Variants in GLI3 observed in about 807,000 individuals in gnomAD.
GLI3 encodes the protein GLI family zinc finger 3, also known as transcription activator GLI3.
In GLI3, 20 loss-of-function variants were observed where a neutral mutation model predicts 100.8. The ratio of observed to expected loss-of-function variants is 0.20; its 90% CI spans 0.14 to 0.29. The LOEUF (loss-of-function observed/expected upper bound fraction) is 0.29. Among genes scored for constraint, GLI3 ranks in the 10% least tolerant of loss-of-function variants. GLI3 has a pLI of 1.00. For missense variants in GLI3, 2,040 were observed against 2,128.5 expected, an observed-to-expected ratio of 0.96 and a Z score of 0.82; for synonymous variants, 938 against 860.5, an observed-to-expected ratio of 1.09 and a Z score of -1.58.
At chr7:42,052,191 G>A (rs1784365627) in intron 4 of GLI3, among the ~76,000 whole-genome samples, 1 of 152,170 alleles carries the variant, frequency 6.6e-6, no homozygotes. Context: ...GTATGGAATA[G>A]CTTATTTACT....
intron 7 of GLI3, among the ~76,000 whole-genome samples, chr7:42,038,576 G>A (rs985094890): frequency 6.6e-6 from 1 of 152,166 alleles, no homozygotes; most frequent in Non-Finnish European, 1.5e-5. Flanking sequence ...TGGTTAATCT[G>A]GAAAGTGCCC....
rs1047368657 is a variant in GLI3, at chr7:41,965,121, C to T, written c.3952G>A (p.Val1318Met). The part of the protein sequence containing the change: ...MVNGMQNQDP[V>M]GQGYLAHQLL... ...TGGTGAGCCAGGTACCCCTGTCCCA[C>T]TGGGTCCTGGTTCTGCATGCCATTC... The change falls in exon 15 of 15, where the codon GTG (valine) becomes ATG (methionine). Residue 1318 changes from valine (V) to methionine (M), a missense_variant. Val to Met is a conservative substitution (Grantham distance 21). Coordinates refer to ENST00000395925, the MANE Select transcript of GLI3 (RefSeq NM_000168.6). The T allele has an allele frequency of 1.2e-6, 2 of 1,613,702 alleles. No individual in the cohort carries two copies. The highest frequency in any genetic ancestry group is 1.3e-5 in the African/African-American group (1 of 74,944).
At chr7:42,056,517 T>G (rs1405468369) in intron 4 of GLI3, among the ~76,000 whole-genome samples, 2 of 152,210 alleles carry the variant, frequency 1.3e-5, no homozygotes, top group Non-Finnish European at 2.9e-5. Flanking sequence ...GAATATTGCT[T>G]AACGTATGCA....
intron 10 of GLI3, among the ~76,000 whole-genome samples, chr7:41,990,927 C>T (rs146274251): frequency 3.6e-4 from 55 of 151,558 alleles, no homozygotes; most frequent in African/African-American, 1.2e-3. Flanking sequence ...TTGCTGATCA[C>T]AGAAGCACAG....
chr7:42,036,313 T>C (rs750278052), intron 7 of GLI3, among the ~76,000 whole-genome samples: 1 of 152,222 alleles, frequency 6.6e-6, no homozygotes, highest in Non-Finnish European at 1.5e-5. Flanking sequence ...GAAACTTACT[T>C]TAATAAGGGG....
intron 4 of GLI3, among the ~76,000 whole-genome samples, chr7:42,067,304 G>A (rs1184482156): frequency 6.6e-6 from 1 of 152,084 alleles, no homozygotes; most frequent in Admixed American, 6.5e-5. Context: ...GCTCTGTGGG[G>A]GAACCAGAGA....
Position 41,985,163 on chromosome 7 carries a change from C to A in GLI3, c.1498-6415G>T, listed in dbSNP as rs550097908. Among the ~76,000 whole-genome samples, 79 of 152,326 alleles carry A rather than the reference C, an allele frequency of 5.2e-4. 1 individual carries two copies. The highest frequency in any genetic ancestry group is 1.8e-3 in the African/African-American group (76 of 41,576). On this transcript the variant is annotated intron_variant, in intron 10 of 14. Coordinates refer to ENST00000395925, the MANE Select transcript of GLI3 (RefSeq NM_000168.6). ...CTTTGCTACATTTCTCTCTCTTGAA[C>A]CATTAAGATGCCACCATTTGTTGCG...
chr7:42,182,718 AC>A (rs1174371235), intron 2 of GLI3, among the ~76,000 whole-genome samples: 1 of 17,872 alleles, frequency 5.6e-5, no homozygotes, highest in Non-Finnish European at 1.2e-4. Flanking sequence ...ACATATAAAT[AC>A]ACACACACAC....
At chr7:42,262,225 T>TTTCCTTCCTTCCTTCCTTCC (rs71006469) in intron 1 of GLI3, among the ~76,000 whole-genome samples, 7,694 of 118,644 alleles carry the variant, frequency 0.065, 406 homozygotes, top group Middle Eastern at 0.14. Context: ...TCCTTCCTTC[T>TTTCCTTCCTTCCTTCCTTCC]TTCCTTCCTT....
At chr7:42,222,764 T>C (rs1788510516) in intron 2 of GLI3, 1 of 239,102 alleles carries the variant, frequency 4.2e-6, no homozygotes, top group South Asian at 5.5e-5. Flanking sequence ...ACAACTTTTG[T>C]GTCTTTTGTA....
chr7:42,099,697 T>TA (rs961307328), intron 3 of GLI3, among the ~76,000 whole-genome samples: 9 of 152,042 alleles, frequency 5.9e-5, no homozygotes, highest in Admixed American at 2.0e-4. Flanking sequence ...CTCACTAATT[T>TA]AAAAAAAATT....
At chr7:42,117,154 G>A (rs1733877331) in intron 3 of GLI3, among the ~76,000 whole-genome samples, 1 of 152,176 alleles carries the variant, frequency 6.6e-6, no homozygotes, top group Admixed American at 6.5e-5. Context: ...ACTATGTCAA[G>A]GAATATGCGA....
intron 1 of GLI3, chr7:42,227,795 G>C (rs1461835267): frequency 6.6e-6 from 1 of 152,096 alleles, no homozygotes; most frequent in Non-Finnish European, 1.5e-5. Flanking sequence ...GCCTCAAGTC[G>C]TCCTCTTTAG....
chr7:42,261,900 CT>C (rs377735163), intron 1 of GLI3, among the ~76,000 whole-genome samples: 2,988 of 16,748 alleles, frequency 0.18, 27 homozygotes, highest in Middle Eastern at 0.31. Context: ...CCTTCCCTTC[CT>C]TTCCCTCCCT....
chr7:42,064,426 T>G (rs980839132), intron 4 of GLI3, among the ~76,000 whole-genome samples: 1 of 152,162 alleles, frequency 6.6e-6, no homozygotes, highest in African/African-American at 2.4e-5. Context: ...CCGGTTAACT[T>G]GTGGTAGAGT....
At chr7:42,053,703 G>A (rs1217515187) in intron 4 of GLI3, among the ~76,000 whole-genome samples, 4 of 152,196 alleles carry the variant, frequency 2.6e-5, no homozygotes, top group African/African-American at 7.2e-5. Context: ...GGGACTGTCT[G>A]TGGCTCAGTC....
chr7:42,043,006 G>A (rs1032141778), intron 6 of GLI3, among the ~76,000 whole-genome samples: 3 of 152,074 alleles, frequency 2.0e-5, no homozygotes, highest in East Asian at 3.9e-4. Flanking sequence ...AAACCTAGAC[G>A]TGCCCACTAT....
intron 4 of GLI3, among the ~76,000 whole-genome samples, chr7:42,073,972 A>G (rs971589942): frequency 2.0e-5 from 3 of 152,198 alleles, no homozygotes; most frequent in African/African-American, 7.2e-5. Context: ...TTCTATAACC[A>G]AGCCACATTT....
At chr7:41,991,908 C>T (rs144019962) in intron 10 of GLI3, among the ~76,000 whole-genome samples, 15 of 152,116 alleles carry the variant, frequency 9.9e-5, no homozygotes, top group East Asian at 5.8e-4. Flanking sequence ...AATGTGTGTG[C>T]GTGTCTGTGC....
Sources: gnomAD v4.1 joint callset for allele counts (sites outside exome capture counted in the v4.1 genomes callset) on GRCh38, gnomAD v4.1.1 for gene constraint, MANE v1.5 for transcripts, NCBI Gene and HGNC (gene_info 2026-07-23, HGNC 2026-07-21) for gene names.